Variants in PAN3 observed in about 807,000 individuals in gnomAD.
PAN3 encodes poly(A) specific ribonuclease subunit PAN3.
A neutral mutation model predicts 96.2 loss-of-function variants in PAN3; 19 were observed. The observed-to-expected ratio is 0.20, with a 90% CI of 0.14 to 0.29. The LOEUF (loss-of-function observed/expected upper bound fraction) is 0.29. Ranked by LOEUF, PAN3 falls within the 10% of genes least tolerant of loss-of-function variation. The pLI is 1.00. For synonymous variants in PAN3, 433 were observed against 406.6 expected, an observed-to-expected ratio of 1.06 and a Z score of -0.78; for missense variants, 882 against 1,108.1, an observed-to-expected ratio of 0.80 and a Z score of 2.90.
intron 3 of PAN3, among the ~76,000 whole-genome samples, chr13:28,177,172 T>C (rs1875129246): frequency 6.6e-6 from 1 of 152,136 alleles, no homozygotes; most frequent in South Asian, 2.1e-4. Flanking sequence ...ACACATGCCT[T>C]TTCAGAGACT....
At chr13:28,176,323 G>T (rs1874980344) in intron 2 of PAN3, among the ~76,000 whole-genome samples, 170 bp from the exon 3 acceptor site, 1 of 152,112 alleles carries the variant, frequency 6.6e-6, no homozygotes. Flanking sequence ...TCATGTGGTG[G>T]TTTTTACATA....
At chr13:28,149,461 C>G (rs1216826306) in intron 1 of PAN3, among the ~76,000 whole-genome samples, 1 of 152,192 alleles carries the variant, frequency 6.6e-6, no homozygotes, top group Non-Finnish European at 1.5e-5. Context: ...CAATGGCTCA[C>G]ATATCTAGAA....
intron 4 of PAN3, among the ~76,000 whole-genome samples, chr13:28,180,277 A>G (rs1268763726): frequency 6.6e-6 from 1 of 152,234 alleles, no homozygotes; most frequent in South Asian, 2.1e-4. Context: ...TCATATATTC[A>G]TATAGCTTGA....
Position 28,138,683 on chromosome 13 carries a change from C to A in PAN3, c.26C>A (p.Pro9His). MNSGGGLPPPSAAASPSSS... is the reference protein window; with the variant it reads MNSGGGLPHPSAAASPSSS... The stretch of plus-strand genomic sequence containing the variant: ...ATGAACAGTGGCGGCGGCCTCCCGC[C>A]CCCCTCGGCCGCCGCCTCCCCTTCC... Residue 9 changes from proline to histidine, a missense_variant, in exon 1 of 19, where the codon CCC becomes CAC. This residue lies in a region of PAN3 where 442 missense variants were observed against 422.8 expected (regional missense o/e 1.05). Transcript: ENST00000380958. 2 of 925,636 alleles carry A rather than the reference C, an allele frequency of 2.2e-6. No homozygotes were observed. The highest frequency in any genetic ancestry group is 3.3e-5 in the East Asian group (1 of 30,206). The allele number at this position is 925,636 out of a possible 1,614,324, so 57.3% of individuals were successfully genotyped here. A position where few individuals can be genotyped will look rare whatever the true frequency, so the allele number is the denominator to read the frequency against.
At position 28,220,211 on chromosome 13, in the gene PAN3, T is replaced by C; in HGVS notation, c.853-20T>C. The C allele has an allele frequency of 6.2e-7, 1 of 1,608,928 alleles. No homozygotes were observed. Reference sequence around the variant, plus strand: ...TTCGGCTTAAAGTGTGTTAACTTACTATATTTGATTTTTAAATAGACACCA... The same window carrying C: ...TTCGGCTTAAAGTGTGTTAACTTACCATATTTGATTTTTAAATAGACACCA... On this transcript the variant is annotated intron_variant, in intron 5 of 18. Transcript: ENST00000380958.
At chr13:28,152,309 C>T (rs1046877943) in intron 1 of PAN3, among the ~76,000 whole-genome samples, 4 of 152,122 alleles carry the variant, frequency 2.6e-5, no homozygotes, top group African/African-American at 7.2e-5. Context: ...AGAGGCTGGG[C>T]CCTGTGGCTC....
intron 1 of PAN3, among the ~76,000 whole-genome samples, chr13:28,169,222 C>CTTTTTTTTTTTTTTTTTTTTTTTG (rs1873979585): frequency 1.3e-5 from 1 of 74,988 alleles, no homozygotes; most frequent in African/African-American, 5.6e-5. Flanking sequence ...TTTTTGTTTG[C>CTTTTTTTTTTTTTTTTTTTTTTTG]TTTTTTTTTT....
At chr13:28,204,041 C>T (rs1458947640) in intron 5 of PAN3, among the ~76,000 whole-genome samples, 1 of 151,836 alleles carries the variant, frequency 6.6e-6, no homozygotes, top group African/African-American at 2.4e-5. Flanking sequence ...TATCTCTTGA[C>T]CTCGTGATCT....
At chr13:28,141,462 C>CG (rs1869813185) in intron 1 of PAN3, among the ~76,000 whole-genome samples, 6 of 90,350 alleles carry the variant, frequency 6.6e-5, no homozygotes, top group Non-Finnish European at 1.1e-4. Context: ...TTCTTTTTTT[C>CG]TTTTTTTTTT....
chr13:28,193,401 T>C (rs1877532722), intron 4 of PAN3, among the ~76,000 whole-genome samples: 2 of 152,020 alleles, frequency 1.3e-5, no homozygotes, highest in Admixed American at 1.3e-4. Flanking sequence ...GAAACGTAAT[T>C]TAATGAGTGC....
At chr13:28,155,452 T>A (rs1392803268) in intron 1 of PAN3, among the ~76,000 whole-genome samples, 3 of 151,952 alleles carry the variant, frequency 2.0e-5, no homozygotes, top group Non-Finnish European at 4.4e-5. Context: ...TAGCCAGGTG[T>A]GGTTGCATGT....
chr13:28,266,429 A>T (rs1251302235), intron 9 of PAN3, among the ~76,000 whole-genome samples: 1 of 152,236 alleles, frequency 6.6e-6, no homozygotes, highest in Non-Finnish European at 1.5e-5. Context: ...AATTATTTAT[A>T]AAAATTATTT....
At chr13:28,169,337 C>G (rs781021195) in intron 1 of PAN3, among the ~76,000 whole-genome samples, 1 of 139,130 alleles carries the variant, frequency 7.2e-6, no homozygotes, top group East Asian at 2.3e-4. Context: ...TCAAGTGATT[C>G]TCTTGCCTCA....
intron 6 of PAN3, among the ~76,000 whole-genome samples, chr13:28,240,876 C>T (rs80117291): frequency 0.01 from 1,559 of 152,298 alleles, 25 homozygotes; most frequent in African/African-American, 0.035. Context: ...ATATTGTACA[C>T]TCTATTCTGG....
chr13:28,154,692 C>T (rs1260985245), intron 1 of PAN3, among the ~76,000 whole-genome samples: 3 of 151,522 alleles, frequency 2.0e-5, no homozygotes, highest in Admixed American at 6.6e-5. Context: ...GACAGGGTTT[C>T]GTCATGTTAG....
At chr13:28,217,686 C>G (rs977200976) in intron 5 of PAN3, among the ~76,000 whole-genome samples, 2 of 151,710 alleles carry the variant, frequency 1.3e-5, no homozygotes, top group African/African-American at 4.8e-5. Flanking sequence ...CCACTTAGAA[C>G]TATTTAAAAT....
chr13:28,247,374 C>T (rs1479673766), intron 6 of PAN3, among the ~76,000 whole-genome samples: 1 of 152,056 alleles, frequency 6.6e-6, no homozygotes, highest in Non-Finnish European at 1.5e-5. Context: ...TATATTCTCT[C>T]TTTCTGCAGA....
At chr13:28,216,706 TATG>T (rs1204489658) in intron 5 of PAN3, among the ~76,000 whole-genome samples, 1 of 152,210 alleles carries the variant, frequency 6.6e-6, no homozygotes, top group African/African-American at 2.4e-5. Context: ...CCCATCATTG[TATG>T]ATAACAATTT....
At chr13:28,199,379 T>A (rs1415936736) in intron 5 of PAN3, among the ~76,000 whole-genome samples, 1 of 152,106 alleles carries the variant, frequency 6.6e-6, no homozygotes, top group Non-Finnish European at 1.5e-5. Flanking sequence ...TATGTTTTAT[T>A]TATAATTAAA....
Sources: gnomAD v4.1 joint callset for allele counts (sites outside exome capture counted in the v4.1 genomes callset) on GRCh38, gnomAD v4.1.1 for gene constraint, gnomAD v4.1.1 regional missense constraint, MANE v1.5 for transcripts, NCBI Gene and HGNC (gene_info 2026-07-23, HGNC 2026-07-21) for gene names.